The following GMNC variants were observed in gnomAD, a reference collection of about 807,000 sequenced individuals.
The protein encoded by GMNC is geminin coiled-coil domain containing, also known as geminin coiled-coil domain-containing protein 1.
GMNC carries 16 observed loss-of-function variants against 33.6 expected under a neutral mutation model. The ratio of observed to expected loss-of-function variants is 0.48; its 90% CI spans 0.32 to 0.72. The LOEUF (loss-of-function observed/expected upper bound fraction) is 0.72, where lower values mean the gene tolerates loss of function less well. Ranked by LOEUF, GMNC falls within the 30% of genes least tolerant of loss-of-function variation. The pLI is 0.03. For synonymous variants in GMNC, 156 were observed against 147.3 expected, an observed-to-expected ratio of 1.06 and a Z score of -0.43; for missense variants, 393 against 388.9, an observed-to-expected ratio of 1.01 and a Z score of -0.09.
chr3:190,859,782 G>T lies in GMNC; in HGVS notation c.179-766C>A, dbSNP rs1270664094. On this transcript the variant is annotated intron_variant, in intron 2 of 4. Transcript: ENST00000442080. Reference sequence around the variant, plus strand: ...TACTTTCTTTTCTTCATCTAGTACAGTTTAGACTCTTGTCCTTCTCTGGTT... The same window carrying T: ...TACTTTCTTTTCTTCATCTAGTACATTTTAGACTCTTGTCCTTCTCTGGTT... The T allele has an allele frequency of 1.3e-5, 6 of 453,670 alleles. No homozygotes were observed. In the Admixed American group the frequency reaches 1.4e-4, roughly 11 times the overall value. The allele number at this position is 453,670 out of a possible 1,614,324, so 28.1% of individuals were successfully genotyped here. A position where few individuals can be genotyped will look rare whatever the true frequency, so the allele number is the denominator to read the frequency against.
chr3:190,856,564 G>T (rs9830307), intron 4 of GMNC, among the ~76,000 whole-genome samples: 63,737 of 147,542 alleles, frequency 0.43, 15,117 homozygotes, highest in African/African-American at 0.63. Context: ...AATTTATAAA[G>T]CACTGATTAC....
rs565579050 is a variant in GMNC, at chr3:190,861,254, T to C, written c.4-396A>G. ...CTATTTGGTTCTTTCTGCAAATACC[T>C]TAATTATATTTCTAAAACTCCTGAA... On this transcript the variant is annotated intron_variant, in intron 1 of 4. Coordinates refer to ENST00000442080, the MANE Select transcript of GMNC (RefSeq NM_001146686.3). This position sits in a 1 kb window ranked among gnomAD's most constrained non-coding sequence, Gnocchi z 5.1. Among the ~76,000 whole-genome samples, 9 of 152,344 alleles carry C rather than the reference T, an allele frequency of 5.9e-5. No homozygotes were observed. Among genetic ancestry groups the C allele is most frequent in the Admixed American group, 5.9e-4 (9 of 15,310 alleles).
downstream of GMNC, among the ~76,000 whole-genome samples, chr3:190,850,828 T>C (rs150631238): frequency 4.6e-5 from 7 of 152,194 alleles, no homozygotes; most frequent in African/African-American, 1.7e-4. Flanking sequence ...ATATAACACT[T>C]AGAACCAGTT....
chr3:190,855,815 T>A lies in GMNC; in HGVS notation c.485A>T (p.His162Leu), dbSNP rs575093855. The A allele has an allele frequency of 6.4e-7, 1 of 1,551,476 alleles. No individual in the cohort carries two copies. Among genetic ancestry groups the A allele is most frequent in the South Asian group, 1.2e-5 (1 of 84,056 alleles). Residue 162 changes from histidine (H) to leucine (L), a missense_variant, in exon 5 of 5, where the codon CAT (histidine) becomes CTT (leucine). Physicochemically the swap from His to Leu is moderately conservative, Grantham distance 99. Coordinates refer to ENST00000442080, the MANE Select transcript of GMNC (RefSeq NM_001146686.3). ...GAGGTTTCTTTTGGCATTTTTGGGA[T>A]GGGGAATCTCAGCAGGAGAGTATCT... The part of the protein sequence containing the change: ...EQRYSPAEIP[H>L]PKNAKRNLSS...
the GMNC span, among the ~76,000 whole-genome samples, chr3:190,845,658 T>C: frequency 1.3e-5 from 2 of 151,630 alleles, no homozygotes; most frequent in African/African-American, 2.4e-5. Flanking sequence ...TACAGACATA[T>C]GCCACCACGC....
chr3:190,846,493 C>G, the GMNC span, among the ~76,000 whole-genome samples: 2,393 of 152,060 alleles, frequency 0.016, 61 homozygotes, highest in Non-Finnish European at 0.017. Flanking sequence ...CACATTTTAA[C>G]ACTTTTACTA....
At position 190,861,666 on chromosome 3, in the gene GMNC, A is replaced by G. The variant is rs1208369659; in HGVS notation, c.4-808T>C. Among the ~76,000 whole-genome samples the G allele has an allele frequency of 6.6e-6, 1 of 152,090 alleles. No individual in the cohort carries two copies. The highest frequency in any genetic ancestry group is 1.5e-5 in the Non-Finnish European group (1 of 68,026). On this transcript the variant is annotated intron_variant, in intron 1 of 4. Coordinates refer to ENST00000442080, the MANE Select transcript of GMNC (RefSeq NM_001146686.3). The surrounding 1 kb of genome is among the most constrained non-coding windows in gnomAD (Gnocchi z 5.1). ...ATCACTAGGGCTCAGTGCCCCTCCA[A>G]AGTTATCTTGCCATTAACTGGCATG...
chr3:190,856,412 T>C (rs1352353640), intron 4 of GMNC, among the ~76,000 whole-genome samples: 1 of 144,016 alleles, frequency 6.9e-6, no homozygotes, highest in Non-Finnish European at 1.5e-5. Flanking sequence ...TTTATAAATA[T>C]ATTAATAAAT....
Position 190,862,478 on chromosome 3 carries a change from G to A in GMNC, c.3+135C>T, listed in dbSNP as rs1392351438. On this transcript the variant is annotated intron_variant, in intron 1 of 4. Transcript: ENST00000442080. The surrounding 1 kb of genome is among the most constrained non-coding windows in gnomAD (Gnocchi z 4.5). ...ATACTAAAAGAGACACAGGGCAGCA[G>A]AGAGGATCTGTTTTAACTGGCGGGT... 1.4e-6 allele frequency: 1 copy of A among 730,926 alleles called. No individual in the cohort carries two copies. The highest frequency in any genetic ancestry group is 2.5e-6 in the Non-Finnish European group (1 of 399,366). The allele number at this position is 730,926 out of a possible 1,614,324, so 45.3% of individuals were successfully genotyped here. A position where few individuals can be genotyped will look rare whatever the true frequency, so the allele number is the denominator to read the frequency against.
At position 190,855,188 on chromosome 3, in the gene GMNC, A is replaced by C; in HGVS notation, c.*107T>G. 9.0e-7 allele frequency: 1 copy of C among 1,106,448 alleles called. No homozygotes were observed. Among genetic ancestry groups the C allele is most frequent in the South Asian group, 1.6e-5 (1 of 61,302 alleles). The allele number at this position is 1,106,448 out of a possible 1,614,324, so 68.5% of individuals were successfully genotyped here. On this transcript the variant is annotated 3_prime_UTR_variant, in exon 5 of 5. Coordinates refer to ENST00000442080, the MANE Select transcript of GMNC (RefSeq NM_001146686.3). ...TGAGAGTGACATTTAAAGTGGCAGG[A>C]GACAGTCTAAGCAACAGCTTCTGTG...
At chr3:190,844,772 A>G in the GMNC span, among the ~76,000 whole-genome samples, 10 of 152,278 alleles carry the variant, frequency 6.6e-5, no homozygotes, top group African/African-American at 2.2e-4. Flanking sequence ...GAAAGCACAA[A>G]GAAATATTAA....
chr3:190,857,404 T>G (rs950242312), intron 4 of GMNC, among the ~76,000 whole-genome samples: 4 of 152,082 alleles, frequency 2.6e-5, no homozygotes, highest in African/African-American at 9.7e-5. Flanking sequence ...AGGATCTAAG[T>G]AAGAATGATT....
the GMNC span, among the ~76,000 whole-genome samples, chr3:190,845,576 C>T: frequency 1.4e-5 from 2 of 142,464 alleles, no homozygotes; most frequent in Non-Finnish European, 3.0e-5. Context: ...GTGGTATGCT[C>T]CCTGCTCACT....
chr3:190,848,905 GA>G (rs373535834), downstream of GMNC, among the ~76,000 whole-genome samples: 225 of 152,268 alleles, frequency 1.5e-3, no homozygotes, highest in African/African-American at 5.3e-3. Context: ...TGCACTGTAG[GA>G]AAGGGAGTGG....
At chr3:190,859,935 A>G in intron 2 of GMNC, 2 of 331,154 alleles carry the variant, frequency 6.0e-6, no homozygotes, top group South Asian at 2.6e-5. Flanking sequence ...TGTAGTGGAA[A>G]GCTAATATTC....
chr3:190,845,682 G>A, the GMNC span, among the ~76,000 whole-genome samples: 1 of 151,438 alleles, frequency 6.6e-6, no homozygotes. Flanking sequence ...GCTAATTTTT[G>A]TATTTTTAGT....
At chr3:190,852,408 T>C (rs191789405), downstream of GMNC, among the ~76,000 whole-genome samples, 17 of 152,304 alleles carry the variant, frequency 1.1e-4, no homozygotes, top group African/African-American at 4.1e-4. Context: ...TTATTTAACA[T>C]CACCTTCATA....
chr3:190,857,723 C>A, intron 4 of GMNC, 60 bp downstream of exon 4: 1 of 850,920 alleles, frequency 1.2e-6, no homozygotes, highest in South Asian at 1.5e-5. Context: ...TTACATAAAT[C>A]ATTTCCTTTC....
rs11378580 is a variant in GMNC at position 190,861,455 on chromosome 3, C to CATCTATCT, written c.4-605_4-598dup. 0.037 allele frequency among the ~76,000 whole-genome samples: 5,351 copies of CATCTATCT among 145,960 alleles called. 107 individuals are homozygous for CATCTATCT. Among genetic ancestry groups the CATCTATCT allele is most frequent in the African/African-American group, 0.039 (1,520 of 39,238 alleles). Reference sequence around the variant, plus strand: ...TCTGTCTGTCTGTCTGTCTGCCTATCATCTATCTATCTATCTATCTATCTA... The same window carrying CATCTATCT: ...TCTGTCTGTCTGTCTGTCTGCCTATCATCTATCTATCTATCTATCTATCTATCTATCTA... On this transcript the variant is annotated intron_variant, in intron 1 of 4. Transcript: ENST00000442080. This position sits in a 1 kb window ranked among gnomAD's most constrained non-coding sequence, Gnocchi z 5.1.
Sources: allele counts gnomAD v4.1 joint callset (sites outside exome capture counted in the v4.1 genomes callset), GRCh38; gene constraint gnomAD v4.1.1; non-coding constraint Gnocchi (gnomAD v3.1); transcripts MANE v1.5; gene names NCBI Gene and HGNC (gene_info 2026-07-23, HGNC 2026-07-21).